CAMTA1: variants seen among roughly 807,000 people sequenced by gnomAD.
CAMTA1 encodes calmodulin binding transcription activator 1.
A neutral mutation model predicts 170.9 loss-of-function variants in CAMTA1; 27 were observed. The ratio of observed to expected loss-of-function variants is 0.16; its 90% confidence interval spans 0.12 to 0.22. The LOEUF (loss-of-function observed/expected upper bound fraction) is 0.22. Ranked by LOEUF, CAMTA1 falls within the 10% of genes least tolerant of loss-of-function variation. The probability of loss-of-function intolerance (pLI) is 1.00; values close to 1 mark genes in which losing one functional copy is unlikely to be tolerated. For synonymous variants in CAMTA1, 833 were observed against 891.5 expected (o/e 0.93, Z 1.17); for missense variants, 1,619 against 2,217.2 (o/e 0.73, Z 5.42).
chr1:7,011,968 C>T (rs1321314981), intron 3 of CAMTA1, among the ~76,000 whole-genome samples: 1 of 152,188 alleles, frequency 6.6e-6, no homozygotes, highest in Non-Finnish European at 1.5e-5. Context: ...AGACTACAAG[C>T]CCCCAGTGCT....
chr1:7,721,074 C>T (rs1473800674), intron 11 of CAMTA1, among the ~76,000 whole-genome samples: 2 of 152,340 alleles, frequency 1.3e-5, no homozygotes, highest in South Asian at 4.1e-4. Flanking sequence ...TTTCCACATG[C>T]ACTCACTTTC....
At chr1:6,846,077 T>A (rs1657999158) in intron 3 of CAMTA1, among the ~76,000 whole-genome samples, 1 of 152,150 alleles carries the variant, frequency 6.6e-6, no homozygotes, top group Non-Finnish European at 1.5e-5. Context: ...GGGGAAACAG[T>A]CCCCATGATT....
At chr1:7,190,669 GA>G (rs536522936) in intron 4 of CAMTA1, among the ~76,000 whole-genome samples, 222 of 152,086 alleles carry the variant, frequency 1.5e-3, no homozygotes, top group Non-Finnish European at 2.3e-3. Flanking sequence ...TAAAAAAATA[GA>G]AAAAAACAAA....
chr1:7,520,377 G>A (rs2094349076), intron 6 of CAMTA1, among the ~76,000 whole-genome samples: 1 of 147,654 alleles, frequency 6.8e-6, no homozygotes, highest in Admixed American at 6.8e-5. Flanking sequence ...TTCGATGTGT[G>A]GACAGGCGCT....
intron 3 of CAMTA1, among the ~76,000 whole-genome samples, chr1:7,015,085 C>A (rs1290010114): frequency 6.6e-6 from 1 of 152,084 alleles, no homozygotes; most frequent in Non-Finnish European, 1.5e-5. Context: ...GTTTCCATTC[C>A]CTGTGCTGCC....
chr1:7,262,171 A>G (rs1035148878), intron 5 of CAMTA1, among the ~76,000 whole-genome samples: 1 of 152,116 alleles, frequency 6.6e-6, no homozygotes, highest in African/African-American at 2.4e-5. Context: ...TTTCTTACAC[A>G]CAGAATCTGC....
intron 3 of CAMTA1, among the ~76,000 whole-genome samples, chr1:6,966,871 C>T (rs949616668): frequency 1.3e-5 from 2 of 151,558 alleles, no homozygotes; most frequent in African/African-American, 4.8e-5. Flanking sequence ...CTCAGCCTCC[C>T]AAAGTGTTGG....
intron 11 of CAMTA1, among the ~76,000 whole-genome samples, chr1:7,707,585 C>T (rs1301489551): frequency 2.0e-5 from 3 of 152,156 alleles, no homozygotes; most frequent in African/African-American, 4.8e-5. Context: ...CCATGTTGCC[C>T]AGGCTGGGCT....
At chr1:7,478,826 A>G (rs1477003889) in intron 6 of CAMTA1, among the ~76,000 whole-genome samples, 1 of 152,200 alleles carries the variant, frequency 6.6e-6, no homozygotes, top group African/African-American at 2.4e-5. Context: ...GCTTTTGTTT[A>G]ATTATCCTTT....
At chr1:6,988,984 G>A (rs191350041) in intron 3 of CAMTA1, among the ~76,000 whole-genome samples, 28 of 152,322 alleles carry the variant, frequency 1.8e-4, no homozygotes, top group Middle Eastern at 3.4e-3. Context: ...GAAAGATGGT[G>A]TCCCAATGGG....
intron 3 of CAMTA1, among the ~76,000 whole-genome samples, chr1:6,840,534 G>A (rs1655256878): frequency 6.6e-6 from 1 of 152,206 alleles, no homozygotes; most frequent in Non-Finnish European, 1.5e-5. Context: ...AGTGAGACAA[G>A]GAAGTGGAGA....
chr1:7,309,287 ATTTTTTTTTTTTTTTT>A (rs34401498), intron 5 of CAMTA1, among the ~76,000 whole-genome samples: 2 of 70,462 alleles, frequency 2.8e-5, no homozygotes, highest in Non-Finnish European at 5.2e-5. Flanking sequence ...CAGTTAGAAA[ATTTTTTTTTTTTTTTT>A]TTTTTTTTTT....
intron 7 of CAMTA1, among the ~76,000 whole-genome samples, chr1:7,656,360 A>G (rs935031795): frequency 4.6e-5 from 7 of 152,200 alleles, no homozygotes; most frequent in Non-Finnish European, 7.3e-5. Flanking sequence ...CTGCTTCCTC[A>G]TATAACCATC....
In CAMTA1 at chr1:7,670,988, A is replaced by C; in HGVS notation, c.2730A>C (p.Ser910=). The C allele has an allele frequency of 1.2e-6, 2 of 1,612,990 alleles. No individual in the cohort carries two copies. The highest frequency in any genetic ancestry group is 1.7e-6 in the Non-Finnish European group (2 of 1,179,252). Residue 910 remains serine (S), a synonymous_variant, in exon 10 of 23, where the codon TCA becomes TCC. Transcript: ENST00000303635. ...ACAGCTGCCTGTTTGACCAGATCTC[A>C]GTGCCTGCATCCCTGATTCAGCCTG... ...NNYSCLFDQI[S]VPASLIQPGV...
chr1:7,082,230 G>C (rs140665248), intron 3 of CAMTA1, among the ~76,000 whole-genome samples: 1 of 152,164 alleles, frequency 6.6e-6, no homozygotes, highest in African/African-American at 2.4e-5. Flanking sequence ...TTGAGGTCAG[G>C]AGTTTGAGGC....
At chr1:6,952,164 C>G (rs1388730701) in intron 3 of CAMTA1, among the ~76,000 whole-genome samples, 1 of 152,222 alleles carries the variant, frequency 6.6e-6, no homozygotes, top group Non-Finnish European at 1.5e-5. Context: ...GGCACGGTGG[C>G]TCACGCCTGT....
chr1:7,737,407 C>A lies in CAMTA1; in HGVS notation c.3495C>A (p.His1165Gln). 1 of 1,614,160 alleles carries A rather than the reference C, an allele frequency of 6.2e-7. No homozygotes were observed. Among genetic ancestry groups the A allele is most frequent in the Non-Finnish European group, 8.5e-7 (1 of 1,180,006 alleles). Residue 1165 changes from histidine to glutamine, a missense_variant, in exon 15 of 23, where the codon CAC becomes CAA. His to Gln is a conservative substitution (Grantham distance 24). Around this residue, in one of 8 missense-constraint regions of CAMTA1, gnomAD observed 370 missense variants for 429.4 expected, o/e 0.86. Transcript: ENST00000303635. ...TGAAATTAGCAGAGTGTCTGGAGCA[C>A]CTGCAGAGAGATGAGCAGGCTCAGC... ...GHVKLAECLEHLQRDEQAQLG... is the reference protein window; with the variant it reads ...GHVKLAECLEQLQRDEQAQLG...
chr1:6,858,135 T>C (rs546086360), intron 3 of CAMTA1, among the ~76,000 whole-genome samples: 27 of 152,302 alleles, frequency 1.8e-4, no homozygotes, highest in South Asian at 4.1e-4. Flanking sequence ...TGAAGACATA[T>C]TGTAGGGATG....
intron 3 of CAMTA1, among the ~76,000 whole-genome samples, chr1:6,920,586 A>G (rs1681786838): frequency 6.6e-6 from 1 of 152,166 alleles, no homozygotes; most frequent in African/African-American, 2.4e-5. Flanking sequence ...TCCCTTCCAC[A>G]CTGCCCTAGC....
Sources: gnomAD v4.1 joint callset for allele counts (sites outside exome capture counted in the v4.1 genomes callset) on GRCh38, gnomAD v4.1.1 for gene constraint, gnomAD v4.1.1 regional missense constraint, MANE v1.5 for transcripts, NCBI Gene and HGNC (gene_info 2026-07-23, HGNC 2026-07-21) for gene names.